COL23A1: variants seen among roughly 807,000 people sequenced by gnomAD.
COL23A1 encodes the protein collagen type XXIII alpha 1 chain, also known as collagen alpha-1(XXIII) chain.
Under a neutral mutation model 99.3 loss-of-function variants are expected in COL23A1, and 97 were observed. That is an observed-to-expected ratio of 0.98 (90% CI 0.83 to 1.16). The LOEUF (loss-of-function observed/expected upper bound fraction) is 1.16, where lower values mean the gene tolerates loss of function less well. Among genes scored for constraint, COL23A1 ranks in the 50% most tolerant of loss-of-function variants. The pLI is 0.00. For synonymous variants in COL23A1, 320 were observed against 308.2 expected (o/e 1.04, Z -0.40); for missense variants, 762 against 757.4 (o/e 1.01, Z -0.07).
rs138640507 is a variant in COL23A1 at position 178,380,099 on chromosome 5, CACAAAATTCT to C, written c.362-73190_362-73181del. ...GTTTTGTGAACCGTGATGATCTATA[CACAAAATTCT>C]ACATGTGGCCTGTTTTGCTGAAGCC... On this transcript the variant is annotated intron_variant, in intron 2 of 28. Transcript: ENST00000390654. Among the ~76,000 whole-genome samples, 376 of 152,244 alleles carry C rather than the reference CACAAAATTCT, an allele frequency of 2.5e-3. 3 individuals are homozygous for C. Among genetic ancestry groups the C allele is most frequent in the African/African-American group, 8.7e-3 (362 of 41,534 alleles).
Position 178,313,785 on chromosome 5 carries a change from C to T in COL23A1, c.362-6866G>A, listed in dbSNP as rs1758831236. On this transcript the variant is annotated intron_variant, in intron 2 of 28. Coordinates refer to ENST00000390654, the MANE Select transcript of COL23A1 (RefSeq NM_173465.4). The surrounding 1 kb of genome is among the most constrained non-coding windows in gnomAD (Gnocchi z 4.2). ...GATGGCCTGAATCCTCCCAGACCTT[C>T]AGTCTGGAGCTCTATGAGATTGCTG... Among the ~76,000 whole-genome samples, 1 of 152,182 alleles carries T rather than the reference C, an allele frequency of 6.6e-6. No homozygotes were observed. The highest frequency in any genetic ancestry group is 2.4e-5 in the African/African-American group (1 of 41,450).
At chr5:178,290,242 A>G (rs1354766472) in intron 4 of COL23A1, 120 bp downstream of exon 4, 4 of 1,430,608 alleles carry the variant, frequency 2.8e-6, no homozygotes, top group South Asian at 1.2e-5. Flanking sequence ...ACTTTTTAAT[A>G]GGACTGATGT....
intron 3 of COL23A1, among the ~76,000 whole-genome samples, chr5:178,300,158 C>T (rs767360091): frequency 2.0e-5 from 3 of 151,892 alleles, no homozygotes; most frequent in Non-Finnish European, 4.4e-5. Context: ...CTCCGCTCCT[C>T]CAGGTTTAAG....
In COL23A1 at chr5:178,301,371, T is replaced by C. The variant is rs186476024; in HGVS notation, c.406+5504A>G. Among the ~76,000 whole-genome samples, 523 of 152,364 alleles carry C rather than the reference T, an allele frequency of 3.4e-3. 3 individuals are homozygous for C. The highest frequency in any genetic ancestry group is 0.012 in the African/African-American group (504 of 41,588). On this transcript the variant is annotated intron_variant, in intron 3 of 28. Transcript: ENST00000390654. Reference sequence around the variant, plus strand: ...TTATTTCTTCAAACATGGTTTCCTTTAGTTTTTTGAACATATTTATAATAA... The same window carrying C: ...TTATTTCTTCAAACATGGTTTCCTTCAGTTTTTTGAACATATTTATAATAA...
At chr5:178,559,550 ACG>A (rs1289955907) in intron 2 of COL23A1, among the ~76,000 whole-genome samples, 29 of 141,296 alleles carry the variant, frequency 2.1e-4, no homozygotes, top group African/African-American at 8.2e-4. Flanking sequence ...CTTTCCCTGC[ACG>A]TCGAGAAGTC....
At chr5:178,392,122 T>A (rs1269349597) in intron 2 of COL23A1, among the ~76,000 whole-genome samples, 2 of 66,990 alleles carry the variant, frequency 3.0e-5, no homozygotes, top group African/African-American at 9.6e-5. Context: ...TCTGCTATTT[T>A]TTTTTTTTTT....
chr5:178,505,967 AC>A (rs149989078), intron 2 of COL23A1, among the ~76,000 whole-genome samples: 2,434 of 152,036 alleles, frequency 0.016, 76 homozygotes, highest in African/African-American at 0.056. Context: ...AAGCAGACCT[AC>A]AGGTAAACCA....
chr5:178,241,041 G>A (rs1764367813), intron 27 of COL23A1, among the ~76,000 whole-genome samples: 2 of 152,132 alleles, frequency 1.3e-5, no homozygotes, highest in South Asian at 4.2e-4. Context: ...AGACCAGCCT[G>A]GACGACATTG....
rs1766450863 is a variant in COL23A1 at position 178,434,609 on chromosome 5, C to T, written c.361+126073G>A. On this transcript the variant is annotated intron_variant, in intron 2 of 28. Transcript: ENST00000390654. This position sits in a 1 kb window ranked among gnomAD's most constrained non-coding sequence, Gnocchi z 4.3. The stretch of plus-strand genomic sequence containing the variant: ...CTGGGACCCCAGCTGGGCGCCTGGC[C>T]TTGCATCCCAGGTGGGTAATCTGGA... 6.6e-6 allele frequency among the ~76,000 whole-genome samples: 1 copy of T among 152,198 alleles called. No individual in the cohort carries two copies. The highest frequency in any genetic ancestry group is 1.5e-5 in the Non-Finnish European group (1 of 68,036).
At chr5:178,489,374 C>T (rs937082451) in intron 2 of COL23A1, among the ~76,000 whole-genome samples, 5 of 152,230 alleles carry the variant, frequency 3.3e-5, no homozygotes, top group Admixed American at 2.6e-4. Flanking sequence ...GCTGCACTGT[C>T]GGCTCCCCTG....
chr5:178,304,831 T>C (rs865984337), intron 3 of COL23A1, among the ~76,000 whole-genome samples: 2 of 152,132 alleles, frequency 1.3e-5, no homozygotes, highest in Non-Finnish European at 2.9e-5. Context: ...CATCAGCAAG[T>C]GGGTATAATA....
At chr5:178,252,771 T>C (rs1048172342) in intron 16 of COL23A1, among the ~76,000 whole-genome samples, 174 bp from the exon 17 acceptor site, 1 of 152,222 alleles carries the variant, frequency 6.6e-6, no homozygotes, top group Non-Finnish European at 1.5e-5. Flanking sequence ...CAAGGCTTTA[T>C]CTGGCCTCCC....
chr5:178,435,192 G>A (rs1201778476), intron 2 of COL23A1, among the ~76,000 whole-genome samples: 3 of 152,164 alleles, frequency 2.0e-5, no homozygotes, highest in South Asian at 2.1e-4. Context: ...CCTGGAGTCC[G>A]GGACCCCTGT....
chr5:178,572,010 A>G (rs934147072), intron 1 of COL23A1, among the ~76,000 whole-genome samples: 23 of 145,276 alleles, frequency 1.6e-4, no homozygotes, highest in African/African-American at 2.9e-4. Context: ...GGAGCTTGCA[A>G]TGAGCCGAGA....
intron 2 of COL23A1, among the ~76,000 whole-genome samples, chr5:178,523,195 T>TAGAGAGAGAG (rs1355046736): frequency 5.1e-5 from 4 of 78,864 alleles, no homozygotes; most frequent in Non-Finnish European, 1.2e-4. Context: ...TATATATATA[T>TAGAGAGAGAG]ATATATAGAG....
chr5:178,263,181 G>T, intron 9 of COL23A1, 27 bp downstream of exon 9: 1 of 1,530,396 alleles, frequency 6.5e-7, no homozygotes, highest in Non-Finnish European at 9.1e-7. Flanking sequence ...CAAGTCCTGC[G>T]TGGCCCAACT....
At chr5:178,487,427 C>G (rs2127963050) in intron 2 of COL23A1, among the ~76,000 whole-genome samples, 1 of 152,156 alleles carries the variant, frequency 6.6e-6, no homozygotes, top group Non-Finnish European at 1.5e-5. Flanking sequence ...TCAAGCGATT[C>G]TCCTGCCTCA....
chr5:178,516,279 G>A (rs1033509504), intron 2 of COL23A1, among the ~76,000 whole-genome samples: 7 of 152,192 alleles, frequency 4.6e-5, no homozygotes, highest in African/African-American at 1.7e-4. Flanking sequence ...CTGCGTCTCT[G>A]GTACCCAGAG....
At chr5:178,471,533 CT>C (rs11301706) in intron 2 of COL23A1, among the ~76,000 whole-genome samples, 141,865 of 152,096 alleles carry the variant, frequency 0.93, 66,271 homozygotes, top group East Asian at 1. Context: ...GCCACTGTGC[CT>C]TGGCCTGCTT....
Sources: allele counts gnomAD v4.1 joint callset (sites outside exome capture counted in the v4.1 genomes callset), GRCh38; gene constraint gnomAD v4.1.1; non-coding constraint Gnocchi (gnomAD v3.1); transcripts MANE v1.5; gene names NCBI Gene and HGNC (gene_info 2026-07-23, HGNC 2026-07-21).